The following CFAP20DC variants were observed in gnomAD, a reference collection of about 807,000 sequenced individuals.
CFAP20DC encodes CFAP20 domain containing.
CFAP20DC carries 84 observed loss-of-function variants against 101.7 expected under a neutral mutation model. The ratio of observed to expected loss-of-function variants is 0.83; its 90% confidence interval spans 0.69 to 0.99. The LOEUF (loss-of-function observed/expected upper bound fraction) is 0.99, where lower values mean the gene tolerates loss of function less well. Among genes scored for constraint, CFAP20DC ranks in the 50% least tolerant of loss-of-function variants. The pLI, the probability that CFAP20DC is intolerant of heterozygous loss-of-function variation, is 0.00. For missense variants in CFAP20DC, 1,007 were observed against 970.3 expected (o/e 1.04, Z -0.50); for synonymous variants, 359 against 351.2 (o/e 1.02, Z -0.25).
intron 5 of CFAP20DC, among the ~76,000 whole-genome samples, chr3:58,930,473 A>G (rs2086486618): frequency 6.6e-6 from 1 of 152,224 alleles, no homozygotes; most frequent in Non-Finnish European, 1.5e-5. Context: ...AAATGATTTT[A>G]GACGGTACAT....
chr3:58,978,774 A>C (rs2108469453), intron 4 of CFAP20DC, among the ~76,000 whole-genome samples: 1 of 151,818 alleles, frequency 6.6e-6, no homozygotes, highest in Non-Finnish European at 1.5e-5. Context: ...TATGAGGGAG[A>C]TATTTCTGGA....
At chr3:58,884,245 C>T (rs1292990985) in intron 7 of CFAP20DC, among the ~76,000 whole-genome samples, 1 of 152,168 alleles carries the variant, frequency 6.6e-6, no homozygotes, top group African/African-American at 2.4e-5. Context: ...GTACTATTTG[C>T]ACAGTGGTTA....
chr3:58,924,083 A>T (rs143671686), intron 5 of CFAP20DC, among the ~76,000 whole-genome samples: 15 of 152,184 alleles, frequency 9.9e-5, no homozygotes, highest in East Asian at 5.8e-4. Context: ...AATGCAAAAA[A>T]TTTTTTAAAA....
At chr3:58,895,389 A>G (rs1216487431) in intron 6 of CFAP20DC, among the ~76,000 whole-genome samples, 1 of 152,158 alleles carries the variant, frequency 6.6e-6, no homozygotes, top group East Asian at 1.9e-4. Context: ...CATCCCTCTC[A>G]AGGTCAAAGT....
chr3:58,937,219 G>A (rs1195612043), intron 5 of CFAP20DC, among the ~76,000 whole-genome samples: 1 of 152,086 alleles, frequency 6.6e-6, no homozygotes, highest in Non-Finnish European at 1.5e-5. Flanking sequence ...ACTGTTCTCC[G>A]GAGGTTACCT....
chr3:58,803,176 A>G (rs2107707792), intron 15 of CFAP20DC, among the ~76,000 whole-genome samples: 1 of 152,304 alleles, frequency 6.6e-6, no homozygotes, highest in East Asian at 1.9e-4. Context: ...CACACTTTCC[A>G]GAGGTCACCA....
At chr3:58,988,409 G>A (rs937920874) in intron 4 of CFAP20DC, among the ~76,000 whole-genome samples, 22 of 152,062 alleles carry the variant, frequency 1.4e-4, no homozygotes, top group Non-Finnish European at 2.2e-4. Flanking sequence ...TGTCTTCTTC[G>A]CACTACATGT....
In CFAP20DC at chr3:58,731,678, T is replaced by C. The variant is rs138051942; in HGVS notation, c.198-14050A>G. On this transcript the variant is annotated intron_variant, in intron 3 of 3. Transcript: ENST00000486145. ...TAACCTTGAAATGTATTTAGGTATA[T>C]GTGAAGGTAAATTCTCAAGGGCTTT... Among the ~76,000 whole-genome samples the C allele has an allele frequency of 1.0e-4, 16 of 152,388 alleles. No individual in the cohort carries two copies. The East Asian group carries it at 1.9e-3, about 18-fold the overall frequency.
At chr3:58,784,725 T>G (rs2107595122) in intron 15 of CFAP20DC, among the ~76,000 whole-genome samples, 1 of 152,240 alleles carries the variant, frequency 6.6e-6, no homozygotes. Flanking sequence ...TGTTTGAAGT[T>G]CTTGAGAAAT....
intron 13 of CFAP20DC, among the ~76,000 whole-genome samples, chr3:58,848,074 G>T (rs1267729288): frequency 2.8e-5 from 4 of 141,090 alleles, no homozygotes; most frequent in African/African-American, 8.1e-5. Flanking sequence ...GCTAGATGAC[G>T]AGTTAGTGGG....
intron 16 of CFAP20DC, among the ~76,000 whole-genome samples, chr3:58,744,213 G>A (rs1415768041): frequency 6.6e-6 from 1 of 152,156 alleles, no homozygotes; most frequent in Non-Finnish European, 1.5e-5. Context: ...GAATTATCAT[G>A]CCCATTTTAT....
intron 7 of CFAP20DC, among the ~76,000 whole-genome samples, chr3:58,877,753 C>T (rs1576087276): frequency 6.6e-6 from 1 of 152,122 alleles, no homozygotes. Flanking sequence ...TGTAAAGCTA[C>T]TTAACTAAAA....
intron 5 of CFAP20DC, among the ~76,000 whole-genome samples, chr3:58,920,386 G>A (rs1576310146): frequency 6.6e-6 from 1 of 152,098 alleles, no homozygotes; most frequent in South Asian, 2.1e-4. Flanking sequence ...GAGCCACCAT[G>A]CCCAGCCATA....
At chr3:59,039,485 T>C (rs372585689) in intron 4 of CFAP20DC, 72 bp downstream of exon 4, 9 of 876,568 alleles carry the variant, frequency 1.0e-5, no homozygotes, top group African/African-American at 8.7e-5. Context: ...CAATTAATGA[T>C]TGTTGGTACT....
At chr3:58,806,548 T>A in intron 14 of CFAP20DC, 92 bp from the exon 15 acceptor site, 27 of 894,862 alleles carry the variant, frequency 3.0e-5, no homozygotes, top group Non-Finnish European at 4.1e-5. Flanking sequence ...AACTGTTTCC[T>A]CAGACACAAC....
At chr3:59,046,669 A>T (rs1391713818) in intron 2 of CFAP20DC, among the ~76,000 whole-genome samples, 1 of 152,202 alleles carries the variant, frequency 6.6e-6, no homozygotes, top group Non-Finnish European at 1.5e-5. Context: ...AGAACAGTCA[A>T]TGGCCTAAAG....
In CFAP20DC at chr3:58,863,347, A is replaced by C; in HGVS notation, c.1593+211T>G. 2 of 1,415,752 alleles carry C rather than the reference A, an allele frequency of 1.4e-6. No homozygotes were observed. Among genetic ancestry groups the C allele is most frequent in the Non-Finnish European group, 1.8e-6 (2 of 1,092,006 alleles). 87.7% of individuals were successfully genotyped at this position (1,415,752 alleles called of 1,614,324 possible). A position where few individuals can be genotyped will look rare whatever the true frequency, so the allele number is the denominator to read the frequency against. ...CCCAAAACTGGTTTCTATAAGTAAA[A>C]GTGAAATTGGCTGACTGTTAATTAA... On this transcript the variant is annotated intron_variant, in intron 12 of 16. Coordinates refer to ENST00000482387, the MANE Select transcript of CFAP20DC (RefSeq NM_001394063.1). The surrounding 1 kb of genome is among the most constrained non-coding windows in gnomAD (Gnocchi z 5.9).
intron 6 of CFAP20DC, among the ~76,000 whole-genome samples, chr3:58,890,257 C>T (rs1460986167): frequency 6.7e-6 from 1 of 148,892 alleles, no homozygotes; most frequent in African/African-American, 2.5e-5. Flanking sequence ...TAGGGGCCGC[C>T]GGGCAGAGGC....
At chr3:58,935,134 C>T (rs1192583932) in intron 5 of CFAP20DC, among the ~76,000 whole-genome samples, 12 of 152,144 alleles carry the variant, frequency 7.9e-5, no homozygotes. Flanking sequence ...CAATAACAGA[C>T]AATCAGAGAG....
Sources: allele counts gnomAD v4.1 joint callset (sites outside exome capture counted in the v4.1 genomes callset), GRCh38; gene constraint gnomAD v4.1.1; non-coding constraint Gnocchi (gnomAD v3.1); transcripts MANE v1.5; gene names NCBI Gene and HGNC (gene_info 2026-07-23, HGNC 2026-07-21).